Variants in CRISPLD2 observed in about 807,000 individuals in gnomAD.
CRISPLD2 encodes the protein cysteine rich secretory protein LCCL domain containing 2.
In CRISPLD2, 47 loss-of-function variants were observed where a neutral mutation model predicts 71.1. That is an observed-to-expected ratio of 0.66 (90% CI 0.52 to 0.84). CRISPLD2 has a LOEUF of 0.84. Among genes scored for constraint, CRISPLD2 ranks in the 40% least tolerant of loss-of-function variants. CRISPLD2 has a pLI of 0.00. For missense variants in CRISPLD2, 830 were observed against 651.1 expected (o/e 1.27, Z -2.99); for synonymous variants, 317 against 250.1 (o/e 1.27, Z -2.52).
chr16:84,893,461 C>G (rs564212069), intron 14 of CRISPLD2, among the ~76,000 whole-genome samples: 2 of 152,332 alleles, frequency 1.3e-5, no homozygotes, highest in East Asian at 1.9e-4. Flanking sequence ...TTCCATCCTT[C>G]CAACGCTCAC....
intron 5 of CRISPLD2, among the ~76,000 whole-genome samples, chr16:84,851,727 C>G (rs933101102): frequency 6.6e-6 from 1 of 152,198 alleles, no homozygotes; most frequent in Non-Finnish European, 1.5e-5. Flanking sequence ...GGTGGAATTC[C>G]TGGCCCAGTG....
In CRISPLD2 at chr16:84,907,265, AGG is replaced by A. The variant is rs2143403929; in HGVS notation, c.*624_*625del. ...CGTGTCCTTGCTGGCGGCCCGCCAC[AGG>A]CCCCCTTCAATGGCCGCATTCAGGA... On this transcript the variant is annotated 3_prime_UTR_variant, in exon 15 of 15. Coordinates refer to ENST00000262424, the MANE Select transcript of CRISPLD2 (RefSeq NM_031476.4). 1 of 162,354 alleles carries A rather than the reference AGG, an allele frequency of 6.2e-6. No homozygotes were observed. Among genetic ancestry groups the A allele is most frequent in the Non-Finnish European group, 1.3e-5 (1 of 74,834 alleles). The allele number at this position is 162,354 out of a possible 1,614,324, so 10.1% of individuals were successfully genotyped here.
intron 1 of CRISPLD2, 35 bp from the exon 2 acceptor site, chr16:84,838,387 T>G: frequency 7.3e-7 from 1 of 1,365,240 alleles, no homozygotes; most frequent in South Asian, 1.3e-5. Context: ...CTCCTACTAA[T>G]GCGACTTCTC....
At chr16:84,867,189 C>T (rs1467738093) in intron 7 of CRISPLD2, 149 bp downstream of exon 7, 9 of 751,716 alleles carry the variant, frequency 1.2e-5, no homozygotes, top group African/African-American at 1.8e-5. Context: ...GAGGCACAAC[C>T]ATAAGACGTT....
chr16:84,837,511 G>T (rs1200660913), intron 1 of CRISPLD2, among the ~76,000 whole-genome samples: 1 of 151,892 alleles, frequency 6.6e-6, no homozygotes, highest in Non-Finnish European at 1.5e-5. Context: ...CCGCCTCCCG[G>T]GTTCACGCCA....
intron 1 of CRISPLD2, chr16:84,836,236 T>G (rs1172468339): frequency 6.6e-6 from 1 of 152,206 alleles, no homozygotes; most frequent in East Asian, 1.9e-4. Flanking sequence ...AGCATCGTCA[T>G]GACACCAGGA....
At chr16:84,875,723 A>ATTTT (rs35350672) in intron 11 of CRISPLD2, among the ~76,000 whole-genome samples, 4 of 128,870 alleles carry the variant, frequency 3.1e-5, no homozygotes, top group African/African-American at 8.5e-5. Flanking sequence ...TGTCCAGCTA[A>ATTTT]TTTTTTTTTT....
chr16:84,903,529 T>G (rs981670706), intron 14 of CRISPLD2, among the ~76,000 whole-genome samples: 1 of 148,982 alleles, frequency 6.7e-6, no homozygotes, highest in African/African-American at 2.5e-5. Flanking sequence ...GAGGCGGCGG[T>G]TGCAATGAGC....
chr16:84,896,986 G>T (rs1291395256), intron 14 of CRISPLD2, among the ~76,000 whole-genome samples: 5 of 152,160 alleles, frequency 3.3e-5, no homozygotes, highest in Admixed American at 3.3e-4. Flanking sequence ...GTTGGGTGAT[G>T]CCAAAAGGCA....
chr16:84,857,680 G>T (rs1157588867), intron 6 of CRISPLD2, among the ~76,000 whole-genome samples: 1 of 152,186 alleles, frequency 6.6e-6, no homozygotes, highest in South Asian at 2.1e-4. Context: ...TAGTGCCTGC[G>T]TATCATGCAG....
chr16:84,885,511 C>A (rs185705464), intron 13 of CRISPLD2, among the ~76,000 whole-genome samples: 12 of 152,340 alleles, frequency 7.9e-5, no homozygotes, highest in African/African-American at 2.9e-4. Context: ...TGACATCAGC[C>A]CCTGCAGGTC....
chr16:84,889,254 G>A lies in CRISPLD2; in HGVS notation c.1330G>A (p.Val444Met), dbSNP rs760319660. The A allele has an allele frequency of 9.9e-6, 16 of 1,614,010 alleles. 1 individual carries two copies. The highest frequency in any genetic ancestry group is 5.5e-5 in the South Asian group (5 of 91,082). Reference sequence around the variant, plus strand: ...GACCTCAAGCATCTGCAAGACAGCCGTGCACGCGGGAGTCATCAGCAACGA... The same window carrying A: ...GACCTCAAGCATCTGCAAGACAGCCATGCACGCGGGAGTCATCAGCAACGA... The part of the protein sequence containing the change: ...ADTSSICKTA[V>M]HAGVISNESG... Residue 444 changes from valine (V) to methionine (M), a missense_variant, in exon 14 of 15, where the codon GTG (valine) becomes ATG (methionine). Physicochemically the swap from Val to Met is conservative, Grantham distance 21. Coordinates refer to ENST00000262424, the MANE Select transcript of CRISPLD2 (RefSeq NM_031476.4).
At chr16:84,844,789 T>C (rs1916867712) in intron 2 of CRISPLD2, among the ~76,000 whole-genome samples, 1 of 152,132 alleles carries the variant, frequency 6.6e-6, no homozygotes, top group Non-Finnish European at 1.5e-5. Context: ...CTCGTCTGCT[T>C]TTCTTTGCAG....
At chr16:84,851,837 T>G (rs1416485591) in intron 5 of CRISPLD2, among the ~76,000 whole-genome samples, 1 of 152,244 alleles carries the variant, frequency 6.6e-6, no homozygotes, top group African/African-American at 2.4e-5. Flanking sequence ...AGCTGCCCCC[T>G]GCTTCCTTAA....
chr16:84,906,525 A>AGAGTC, intron 14 of CRISPLD2, 63 bp from the exon 15 acceptor site: 1 of 1,575,334 alleles, frequency 6.3e-7, no homozygotes, highest in Non-Finnish European at 8.7e-7. Context: ...CTGCCCACCC[A>AGAGTC]GAGTCCCTGC....
chr16:84,838,352 C>T, intron 1 of CRISPLD2, 70 bp from the exon 2 acceptor site: 1 of 995,994 alleles, frequency 1.0e-6, no homozygotes, highest in South Asian at 1.6e-5. Context: ...GCTGCGTTCG[C>T]TGCTCCAGCC....
chr16:84,856,036 G>A (rs748502422), intron 6 of CRISPLD2, among the ~76,000 whole-genome samples: 8 of 152,342 alleles, frequency 5.3e-5, no homozygotes, highest in South Asian at 4.1e-4. Flanking sequence ...AACTGGTCAC[G>A]TGGTTATAGC....
chr16:84,856,964 A>G (rs960178028), intron 6 of CRISPLD2, among the ~76,000 whole-genome samples: 15 of 152,264 alleles, frequency 9.9e-5, no homozygotes, highest in African/African-American at 3.6e-4. Context: ...CAAAATGGGT[A>G]AACCTGTATC....
intron 1 of CRISPLD2, among the ~76,000 whole-genome samples, chr16:84,824,652 C>A (rs564709495): frequency 6.6e-6 from 1 of 152,318 alleles, no homozygotes; most frequent in Admixed American, 6.5e-5. Context: ...CAGTGCCTGG[C>A]TGGGAGGAAG....
Sources: gnomAD v4.1 joint callset for allele counts (sites outside exome capture counted in the v4.1 genomes callset) on GRCh38, gnomAD v4.1.1 for gene constraint, MANE v1.5 for transcripts, NCBI Gene and HGNC (gene_info 2026-07-23, HGNC 2026-07-21) for gene names.